PDE11A: variants seen among roughly 807,000 people sequenced by gnomAD.
PDE11A encodes the protein dual 3',5'-cyclic-AMP and -GMP phosphodiesterase 11A.
PDE11A carries 100 observed loss-of-function variants against 100.5 expected under a neutral mutation model. That is an observed-to-expected ratio of 1.00 (90% CI 0.85 to 1.18). The LOEUF (loss-of-function observed/expected upper bound fraction) is 1.18. Among genes scored for constraint, PDE11A ranks in the 50% most tolerant of loss-of-function variants. PDE11A has a pLI of 0.00. For synonymous variants in PDE11A, 381 were observed against 420.8 expected (o/e 0.91, Z 1.16); for missense variants, 1,141 against 1,152.6 (o/e 0.99, Z 0.15).
Position 177,999,303 on chromosome 2 carries a change from G to A in PDE11A, c.1071+14999C>T, listed in dbSNP as rs528653447. 3.9e-5 allele frequency among the ~76,000 whole-genome samples: 6 copies of A among 152,308 alleles called. No individual in the cohort carries two copies. The South Asian group carries it at 1.0e-3, about 26-fold the overall frequency. On this transcript the variant is annotated intron_variant, in intron 2 of 19. Transcript: ENST00000286063. ...TTTATAGGTTCATCCAAGGATCGTG[G>A]TTCTCTGTCTTCATGACAAGGGAGA...
intron 1 of PDE11A, among the ~76,000 whole-genome samples, chr2:178,038,139 A>T (rs182531342): frequency 8.7e-4 from 132 of 152,230 alleles, no homozygotes; most frequent in African/African-American, 2.8e-3. Context: ...TAATTGAAAT[A>T]AAAAAACTGT....
chr2:178,103,185 G>T (rs912205118), intron 2 of PDE11A, among the ~76,000 whole-genome samples: 6 of 49,730 alleles, frequency 1.2e-4, no homozygotes, highest in Non-Finnish European at 1.9e-4. Context: ...ATTTCCAGTG[G>T]GGGGGGAAGG....
At chr2:178,056,284 G>T (rs1264428881) in intron 1 of PDE11A, among the ~76,000 whole-genome samples, 2 of 152,048 alleles carry the variant, frequency 1.3e-5, no homozygotes, top group African/African-American at 4.8e-5. Context: ...AGTCCTGAAG[G>T]GGACATTCAC....
intron 5 of PDE11A, among the ~76,000 whole-genome samples, chr2:177,869,163 C>T (rs2084081850): frequency 1.3e-5 from 2 of 152,230 alleles, no homozygotes; most frequent in South Asian, 4.1e-4. Flanking sequence ...TTTCCCATTT[C>T]TGCATAACAA....
chr2:177,765,516 A>G (rs1460289581), intron 10 of PDE11A, among the ~76,000 whole-genome samples: 1 of 152,154 alleles, frequency 6.6e-6, no homozygotes. Flanking sequence ...CATTGATTCC[A>G]TCGATGCCAT....
intron 6 of PDE11A, among the ~76,000 whole-genome samples, chr2:177,835,978 C>T (rs2083391512): frequency 6.6e-6 from 1 of 152,320 alleles, no homozygotes; most frequent in Admixed American, 6.5e-5. Context: ...TCCTGTGCTG[C>T]CCGAGCCTCC....
intron 9 of PDE11A, among the ~76,000 whole-genome samples, chr2:177,781,978 T>C (rs2082461079): frequency 6.6e-6 from 1 of 152,220 alleles, no homozygotes; most frequent in African/African-American, 2.4e-5. Flanking sequence ...TTCTATGTCA[T>C]TACCCAGATT....
At chr2:177,844,052 GC>G (rs1026634893) in intron 5 of PDE11A, among the ~76,000 whole-genome samples, 22 of 152,192 alleles carry the variant, frequency 1.4e-4, no homozygotes, top group Admixed American at 1.4e-3. Context: ...ATAAATTAAG[GC>G]CTGAGTGATC....
At chr2:178,028,891 T>C (rs768504170) in intron 1 of PDE11A, among the ~76,000 whole-genome samples, 1 of 152,198 alleles carries the variant, frequency 6.6e-6, no homozygotes, top group African/African-American at 2.4e-5. Context: ...TTTAACCGAC[T>C]AGAATTCTTC....
At chr2:177,640,029 G>A (rs969738930) in intron 19 of PDE11A, among the ~76,000 whole-genome samples, 13 of 152,280 alleles carry the variant, frequency 8.5e-5, no homozygotes, top group African/African-American at 2.9e-4. Flanking sequence ...AAAGGACAAA[G>A]AGAGAAGATG....
chr2:177,644,058 C>A (rs569500350), intron 19 of PDE11A, among the ~76,000 whole-genome samples: 11 of 152,378 alleles, frequency 7.2e-5, no homozygotes, highest in African/African-American at 2.4e-4. Flanking sequence ...TCATGGAGAA[C>A]CTCTGCTAGG....
chr2:177,939,155 C>T (rs372755554), intron 2 of PDE11A, among the ~76,000 whole-genome samples: 2 of 152,068 alleles, frequency 1.3e-5, no homozygotes, highest in Non-Finnish European at 2.9e-5. Context: ...TTGAAGAAAT[C>T]GGAGCTGGGA....
Position 177,626,951 on chromosome 2 carries a change from T to G in PDE11A, c.*2456A>C, listed in dbSNP as rs2105424222. ...AACCACCTGTCTCGGTCCCTGTCTTTCCTTTACTGGTGTTCTTACGTTTCT... is the reference window on the plus strand; with the variant it reads ...AACCACCTGTCTCGGTCCCTGTCTTGCCTTTACTGGTGTTCTTACGTTTCT... On this transcript the variant is annotated 3_prime_UTR_variant, in exon 20 of 20. Transcript: ENST00000286063. 6.6e-6 allele frequency: 1 copy of G among 150,612 alleles called. No homozygotes were observed. The highest frequency in any genetic ancestry group is 2.1e-4 in the South Asian group (1 of 4,744). The allele number at this position is 150,612 out of a possible 1,614,324, so 9.3% of individuals were successfully genotyped here. A position where few individuals can be genotyped will look rare whatever the true frequency, so the allele number is the denominator to read the frequency against.
chr2:177,842,203 T>A (rs2083502764), intron 5 of PDE11A, among the ~76,000 whole-genome samples: 1 of 152,094 alleles, frequency 6.6e-6, no homozygotes, highest in Non-Finnish European at 1.5e-5. Context: ...GAGTGTTCTG[T>A]GGAGTGTGGG....
At chr2:177,979,405 C>G (rs2085851379) in intron 2 of PDE11A, among the ~76,000 whole-genome samples, 1 of 150,456 alleles carries the variant, frequency 6.6e-6, no homozygotes, top group South Asian at 2.2e-4. Context: ...AGATAGCCAA[C>G]TCAAGGTTCA....
chr2:177,893,295 A>G (rs1486136183), intron 4 of PDE11A, among the ~76,000 whole-genome samples: 18 of 152,088 alleles, frequency 1.2e-4, no homozygotes, highest in Admixed American at 1.2e-3. Flanking sequence ...TTATTTATTC[A>G]TCTATTTATT....
At chr2:178,077,213 A>T (rs552003635), upstream of PDE11A, among the ~76,000 whole-genome samples, 4 of 144,446 alleles carry the variant, frequency 2.8e-5, no homozygotes, top group East Asian at 8.1e-4. Flanking sequence ...CACCAAACAA[A>T]CTCTCTCCTG....
At chr2:177,787,374 A>G (rs1321695517) in intron 9 of PDE11A, among the ~76,000 whole-genome samples, 1 of 151,286 alleles carries the variant, frequency 6.6e-6, no homozygotes, top group Non-Finnish European at 1.5e-5. Context: ...GCCCTAAAAG[A>G]GCTCCTGAAG....
rs184959213 is a variant in PDE11A at position 178,055,957 on chromosome 2, C to A, written c.912+15569G>T. 1.7e-4 allele frequency among the ~76,000 whole-genome samples: 26 copies of A among 151,846 alleles called. No individual in the cohort carries two copies. In the East Asian group the frequency reaches 4.8e-3, roughly 28 times the overall value. Reference sequence around the variant, plus strand: ...TTTTAAATACGCTTTCACATACAAGCCCAGGGATTATGTTCTGCTAAAAAT... The same window carrying A: ...TTTTAAATACGCTTTCACATACAAGACCAGGGATTATGTTCTGCTAAAAAT... On this transcript the variant is annotated intron_variant, in intron 1 of 19. Transcript: ENST00000286063.
Sources: gnomAD v4.1 joint callset for allele counts (sites outside exome capture counted in the v4.1 genomes callset) on GRCh38, gnomAD v4.1.1 for gene constraint, MANE v1.5 for transcripts, NCBI Gene and HGNC (gene_info 2026-07-23, HGNC 2026-07-21) for gene names.